SPECC1: variants seen among roughly 807,000 people sequenced by gnomAD.
SPECC1 encodes the protein cytospin-B.
In SPECC1, 62 loss-of-function variants were observed where a neutral mutation model predicts 104.1. The ratio of observed to expected loss-of-function variants is 0.60; its 90% CI spans 0.49 to 0.74. The LOEUF is 0.74. SPECC1 is among the 30% of genes least tolerant of loss of function. The pLI is 0.00. For missense variants in SPECC1, 1,306 were observed against 1,310.5 expected, an observed-to-expected ratio of 1.00 and a Z score of 0.05; for synonymous variants, 513 against 501.6, an observed-to-expected ratio of 1.02 and a Z score of -0.30.
At position 20,081,187 on chromosome 17, in the gene SPECC1, AAGG is replaced by A. The variant is rs1597662362; in HGVS notation, c.-21-15443_-21-15441del. Among the ~76,000 whole-genome samples the A allele has an allele frequency of 1.1e-4, 17 of 151,922 alleles. No homozygotes were observed. The East Asian group carries it at 3.3e-3, about 30-fold the overall frequency. ...TTCCCAATTGATATCTGGTATTTTC[AAGG>A]CCATTTGATAGTTCCCTACACTGGA... On this transcript the variant is annotated intron_variant, in intron 1 of 14. Transcript: ENST00000395527.
intron 3 of SPECC1, among the ~76,000 whole-genome samples, chr17:20,164,595 G>A (rs1302271928): frequency 2.0e-5 from 3 of 152,052 alleles, no homozygotes; most frequent in Non-Finnish European, 4.4e-5. Context: ...GCTTTGGTTG[G>A]AACATATTCT....
At chr17:20,254,715 A>G (rs890380475) in intron 10 of SPECC1, among the ~76,000 whole-genome samples, 1 of 150,802 alleles carries the variant, frequency 6.6e-6, no homozygotes, top group African/African-American at 2.5e-5. Flanking sequence ...TCCCTGTAGA[A>G]GGGATAGAAA....
intron 1 of SPECC1, chr17:20,056,357 G>A: frequency 5.2e-6 from 1 of 191,608 alleles, no homozygotes; most frequent in South Asian, 1.2e-4. Flanking sequence ...CTGAAGCCCA[G>A]CAAACCCCTC....
At chr17:20,239,314 C>G in intron 7 of SPECC1, 2 of 1,008,844 alleles carry the variant, frequency 2.0e-6, no homozygotes, top group Non-Finnish European at 2.4e-6. Context: ...TCTTCTCCCT[C>G]AGTACCACCT....
intron 12 of SPECC1, among the ~76,000 whole-genome samples, chr17:20,270,433 CAAAAAAAAAAAAAAAAA>C (rs71157863): frequency 6.7e-4 from 29 of 43,576 alleles, no homozygotes; most frequent in Admixed American, 1.6e-3. Flanking sequence ...CTGTCTTTAC[CAAAAAAAAAAAAAAAAA>C]AAAAAAAAAA....
At chr17:20,064,105 A>T (rs996751291) in intron 1 of SPECC1, among the ~76,000 whole-genome samples, 1 of 152,190 alleles carries the variant, frequency 6.6e-6, no homozygotes. Context: ...TCAGTGAGGC[A>T]AGTGAGACCA....
At chr17:20,098,384 A>G (rs2047754790) in intron 2 of SPECC1, among the ~76,000 whole-genome samples, 1 of 152,194 alleles carries the variant, frequency 6.6e-6, no homozygotes, top group Non-Finnish European at 1.5e-5. Context: ...CTCCCTTGTG[A>G]CCAGTTGGGT....
chr17:20,116,309 C>T (rs976984256), intron 3 of SPECC1, among the ~76,000 whole-genome samples: 1 of 151,968 alleles, frequency 6.6e-6, no homozygotes, highest in Non-Finnish European at 1.5e-5. Flanking sequence ...AGGATGGTCT[C>T]GATCTCCTGA....
chr17:20,206,187 T>C (rs2036768120), intron 4 of SPECC1, among the ~76,000 whole-genome samples: 1 of 152,176 alleles, frequency 6.6e-6, no homozygotes, highest in South Asian at 2.1e-4. Flanking sequence ...TCATACAGCC[T>C]ATGCCCAGGC....
At chr17:20,298,948 A>AGAGAGAGAGAGAGTGTGTGTGTGTGT in intron 13 of SPECC1, among the ~76,000 whole-genome samples, 2 of 49,074 alleles carry the variant, frequency 4.1e-5, no homozygotes, top group African/African-American at 9.3e-5. Context: ...AGAGAGAGAG[A>AGAGAGAGAGAGAGTGTGTGTGTGTGT]GTGTGTGTGT....
chr17:20,230,406 C>G (rs575850208), intron 5 of SPECC1, among the ~76,000 whole-genome samples: 1 of 152,308 alleles, frequency 6.6e-6, no homozygotes, highest in East Asian at 1.9e-4. Context: ...TCAGTGCCAT[C>G]CAGGCTGTTC....
chr17:20,172,346 C>T (rs1015303613), intron 3 of SPECC1, among the ~76,000 whole-genome samples: 2 of 152,196 alleles, frequency 1.3e-5, no homozygotes, highest in South Asian at 4.1e-4. Context: ...GATTGTGGAT[C>T]AGTTTACTCC....
Position 20,245,948 on chromosome 17 carries a change from T to A in SPECC1, c.2374T>A (p.Ser792Thr). ...CAGACCTGTGGATGAAGAGCCAGAG[T>A]CCTCTGAGGTCGATGCTGCTGGTCG... The part of the protein sequence containing the change: ...APPPVDEEPE[S>T]SEVDAAGRWP... Residue 792 changes from serine (S) to threonine (T), a missense_variant, in exon 8 of 15, where the codon TCC becomes ACC. Ser to Thr is a moderately conservative substitution (Grantham distance 58). Coordinates refer to ENST00000395527, the MANE Select transcript of SPECC1 (RefSeq NM_001243439.2). 6.2e-7 allele frequency: 1 copy of A among 1,614,148 alleles called. No homozygotes were observed. Among genetic ancestry groups the A allele is most frequent in the Non-Finnish European group, 8.5e-7 (1 of 1,180,010 alleles).
chr17:20,033,846 G>A (rs996614349), intron 1 of SPECC1, among the ~76,000 whole-genome samples: 2 of 152,104 alleles, frequency 1.3e-5, no homozygotes, highest in African/African-American at 4.8e-5. Context: ...ACCCTAACAG[G>A]GTTAAACCCC....
Position 20,009,614 on chromosome 17 carries a change from C to T in SPECC1, c.-22+190C>T, listed in dbSNP as rs911208583. The stretch of plus-strand genomic sequence containing the variant: ...CGGTCCCCTCGTCGCGTGTCCTGTC[C>T]CCAGCCCAGGAGGGACGTCCTGGCC... On this transcript the variant is annotated intron_variant, in intron 1 of 14. Coordinates refer to ENST00000395527, the MANE Select transcript of SPECC1 (RefSeq NM_001243439.2). The surrounding 1 kb of genome is among the most constrained non-coding windows in gnomAD (Gnocchi z 5.2). Among the ~76,000 whole-genome samples, 4 of 152,114 alleles carry T rather than the reference C, an allele frequency of 2.6e-5. No individual in the cohort carries two copies. The highest frequency in any genetic ancestry group is 9.7e-5 in the African/African-American group (4 of 41,436).
At chr17:20,298,948 A>AGAGAGGGTGTGTGTGTGTGTGTGTGTGT in intron 13 of SPECC1, among the ~76,000 whole-genome samples, 1 of 49,072 alleles carries the variant, frequency 2.0e-5, no homozygotes, top group Non-Finnish European at 3.7e-5. Flanking sequence ...AGAGAGAGAG[A>AGAGAGGGTGTGTGTGTGTGTGTGTGTGT]GTGTGTGTGT....
intron 3 of SPECC1, among the ~76,000 whole-genome samples, chr17:20,150,796 A>T (rs2031935034): frequency 6.6e-6 from 1 of 152,134 alleles, no homozygotes. Context: ...ATTTATTAAG[A>T]CAGATATTTG....
At chr17:20,247,141 T>G in intron 8 of SPECC1, 78 bp from the exon 9 acceptor site, 3 of 1,169,722 alleles carry the variant, frequency 2.6e-6, no homozygotes, top group Non-Finnish European at 3.7e-6. Context: ...CCAAAAAAAG[T>G]AACAAGAAAT....
At chr17:20,021,328 T>C (rs1167844360) in intron 1 of SPECC1, among the ~76,000 whole-genome samples, 1 of 152,140 alleles carries the variant, frequency 6.6e-6, no homozygotes, top group Admixed American at 6.5e-5. Context: ...AATGGCATCA[T>C]GTTCTAGCCT....
Sources: allele counts gnomAD v4.1 joint callset (sites outside exome capture counted in the v4.1 genomes callset), GRCh38; gene constraint gnomAD v4.1.1; non-coding constraint Gnocchi (gnomAD v3.1); transcripts MANE v1.5; gene names NCBI Gene and HGNC (gene_info 2026-07-23, HGNC 2026-07-21).